The following PTPRQ variants were observed in gnomAD, a reference collection of about 807,000 sequenced individuals.
PTPRQ encodes the protein protein tyrosine phosphatase receptor type Q.
A neutral mutation model predicts 246.0 loss-of-function variants in PTPRQ; 199 were observed. The ratio of observed to expected loss-of-function variants is 0.81; its 90% confidence interval spans 0.72 to 0.91. PTPRQ has a LOEUF of 0.91. Among genes scored for constraint, PTPRQ ranks in the 40% least tolerant of loss-of-function variants. The pLI, the probability that PTPRQ is intolerant of heterozygous loss-of-function variation, is 0.00. For missense variants in PTPRQ, 2,624 were observed against 2,528.4 expected (o/e 1.04, Z -0.81); for synonymous variants, 869 against 853.2 (o/e 1.02, Z -0.32).
At chr12:80,630,336 T>A (rs1430003903) in intron 33 of PTPRQ, among the ~76,000 whole-genome samples, 4 of 152,178 alleles carry the variant, frequency 2.6e-5, no homozygotes, top group African/African-American at 7.2e-5. Context: ...TTTCTCTTGA[T>A]GTCCTTTAAT....
chr12:80,542,876 T>C lies in PTPRQ; in HGVS notation c.3868T>C (p.Tyr1290His). 1 of 1,483,888 alleles carries C rather than the reference T, an allele frequency of 6.7e-7. No homozygotes were observed. The highest frequency in any genetic ancestry group is 2.6e-5 in the East Asian group (1 of 39,160). 91.9% of individuals were successfully genotyped at this position (1,483,888 alleles called of 1,614,324 possible). A position where few individuals can be genotyped will look rare whatever the true frequency, so the allele number is the denominator to read the frequency against. ...TGAACATGAAACTGACACTATATAT[T>C]ATAAGGTAGGTTGATTATAACAGTA... is the stretch of plus-strand genomic sequence containing the variant. The part of the protein sequence containing the change: ...IHEHETDTIY[Y>H]KNISGFKTEA... Residue 1290 changes from tyrosine to histidine, a missense_variant, in exon 23 of 45, where the codon TAT (tyrosine) becomes CAT (histidine). Physicochemically the swap from Tyr to His is moderately conservative, Grantham distance 83 (BLOSUM62 2). Transcript: ENST00000644991.
chr12:80,668,930 T>G, intron 39 of PTPRQ, 77 bp from the exon 40 acceptor site: 3 of 1,408,064 alleles, frequency 2.1e-6, no homozygotes, highest in Non-Finnish European at 2.8e-6. Flanking sequence ...CCAGCATATG[T>G]TTCATGCATT....
At chr12:80,520,783 C>G (rs190946486) in intron 17 of PTPRQ, among the ~76,000 whole-genome samples, 7 of 152,152 alleles carry the variant, frequency 4.6e-5, no homozygotes, top group African/African-American at 1.7e-4. Flanking sequence ...GGGTTGGTTG[C>G]AAGTCTTTGT....
chr12:80,508,522 G>T (rs1895031577), intron 16 of PTPRQ, among the ~76,000 whole-genome samples: 1 of 151,940 alleles, frequency 6.6e-6, no homozygotes, highest in Non-Finnish European at 1.5e-5. Flanking sequence ...CCAGGTAGAG[G>T]AGTGAGAGAT....
rs1038545363 is a variant in PTPRQ, at chr12:80,462,082, C to G, written c.910+1180C>G. 9.0e-6 allele frequency: 6 copies of G among 665,970 alleles called. No homozygotes were observed. In the South Asian group the frequency reaches 9.7e-5, roughly 11 times the overall value. The allele number at this position is 665,970 out of a possible 1,614,324, so 41.3% of individuals were successfully genotyped here. The stretch of plus-strand genomic sequence containing the variant: ...GAGGCATTGCCTCACTTGGGGAGCA[C>G]AAGGGGTCAGGGAGTTCCCTTTCCT... On this transcript the variant is annotated intron_variant, in intron 6 of 44. Transcript: ENST00000644991.
intron 5 of PTPRQ, among the ~76,000 whole-genome samples, 192 bp downstream of exon 5, chr12:80,459,675 G>C (rs1452109508): frequency 6.6e-6 from 1 of 152,096 alleles, no homozygotes; most frequent in East Asian, 1.9e-4. Flanking sequence ...GCCTCATTCA[G>C]GTAGAATACA....
chr12:80,676,048 C>T (rs1426523185), intron 43 of PTPRQ, among the ~76,000 whole-genome samples: 1 of 152,134 alleles, frequency 6.6e-6, no homozygotes, highest in Non-Finnish European at 1.5e-5. Context: ...AAATCAGGTA[C>T]TCGGAAGCCC....
At chr12:80,614,646 C>T (rs1263238901) in intron 29 of PTPRQ, among the ~76,000 whole-genome samples, 1 of 150,644 alleles carries the variant, frequency 6.6e-6, no homozygotes, top group Non-Finnish European at 1.5e-5. Context: ...TTTTGCATGT[C>T]CCATTAAGTG....
Position 80,500,524 on chromosome 12 carries a change from T to C in PTPRQ, c.2272+3993T>C, listed in dbSNP as rs139366736. 2.6e-3 allele frequency among the ~76,000 whole-genome samples: 402 copies of C among 152,064 alleles called. 2 individuals are homozygous for C. Among genetic ancestry groups the C allele is most frequent in the African/African-American group, 9.5e-3 (394 of 41,514 alleles). ...GACAACTGCAGAGAGAAAACTTCAATCTAATGGGAAATTTTCAAAATCAGA... is the reference window on the plus strand; with the variant it reads ...GACAACTGCAGAGAGAAAACTTCAACCTAATGGGAAATTTTCAAAATCAGA... On this transcript the variant is annotated intron_variant, in intron 14 of 44. Coordinates refer to ENST00000644991, the MANE Select transcript of PTPRQ (RefSeq NM_001145026.2).
chr12:80,456,340 T>A (rs1892982160), intron 3 of PTPRQ, among the ~76,000 whole-genome samples: 1 of 152,166 alleles, frequency 6.6e-6, no homozygotes, highest in African/African-American at 2.4e-5. Context: ...CTTACCTATG[T>A]AGAAGTCAAA....
intron 26 of PTPRQ, among the ~76,000 whole-genome samples, chr12:80,592,897 A>C (rs529323980): frequency 6.6e-6 from 1 of 151,928 alleles, no homozygotes; most frequent in African/African-American, 2.4e-5. Context: ...TGTAATCCCA[A>C]CTCCTTGGGA....
intron 9 of PTPRQ, 31 bp downstream of exon 9, chr12:80,484,636 AC>A (rs1384354321): frequency 1.8e-5 from 28 of 1,544,248 alleles, no homozygotes; most frequent in Admixed American, 1.0e-4. Context: ...TTATTGGTGA[AC>A]CCTTTCTGCT....
Position 80,588,337 on chromosome 12 carries a change from A to G in PTPRQ, c.4494A>G (p.Glu1498=). ...IQYLYEAHLT[E]ETVYGLKKFR... ...ACCTCTATGAAGCTCACTTAACTGA[A>G]GAGACAGTATATGGATTAAAGAAAT... is the stretch of plus-strand genomic sequence containing the variant. The change falls in exon 26 of 45, where the codon GAA becomes GAG. Residue 1498 remains glutamate, a synonymous_variant. Transcript: ENST00000644991. The G allele has an allele frequency of 6.4e-7, 1 of 1,551,492 alleles. No individual in the cohort carries two copies. The highest frequency in any genetic ancestry group is 8.7e-7 in the Non-Finnish European group (1 of 1,146,882).
chr12:80,486,206 T>C lies in PTPRQ; in HGVS notation c.1359+1601T>C, dbSNP rs140584275. On this transcript the variant is annotated intron_variant, in intron 9 of 44. Transcript: ENST00000644991. ...AAAGAGCTTAGAACTGTACCTGGCATATAGTAAGTGCTGTGCTAAATAATT... is the reference window on the plus strand; with the variant it reads ...AAAGAGCTTAGAACTGTACCTGGCACATAGTAAGTGCTGTGCTAAATAATT... Among the ~76,000 whole-genome samples, 1,239 of 152,272 alleles carry C rather than the reference T, an allele frequency of 8.1e-3. 17 individuals are homozygous for C. Among genetic ancestry groups the C allele is most frequent in the African/African-American group, 0.028 (1,180 of 41,560 alleles).
At chr12:80,473,386 T>C (rs570881845) in intron 8 of PTPRQ, among the ~76,000 whole-genome samples, 6 of 152,310 alleles carry the variant, frequency 3.9e-5, no homozygotes, top group African/African-American at 1.4e-4. Flanking sequence ...CATCTCCACC[T>C]AAAAACTGCT....
chr12:80,478,562 A>G (rs1227150541), intron 8 of PTPRQ, among the ~76,000 whole-genome samples: 1 of 152,200 alleles, frequency 6.6e-6, no homozygotes, highest in East Asian at 1.9e-4. Context: ...GAAGCTTCAG[A>G]CGATCAAATT....
chr12:80,562,595 TG>T (rs1896859661), intron 25 of PTPRQ, among the ~76,000 whole-genome samples: 1 of 152,088 alleles, frequency 6.6e-6, no homozygotes, highest in African/African-American at 2.4e-5. Context: ...TGAATTGAAA[TG>T]AAAATTCAAC....
chr12:80,446,929 A>G (rs905704395), intron 3 of PTPRQ, among the ~76,000 whole-genome samples: 4 of 152,030 alleles, frequency 2.6e-5, no homozygotes, highest in Admixed American at 1.3e-4. Context: ...GGATAGATAC[A>G]TAGCAGTGAG....
At position 80,445,642 on chromosome 12, in the gene PTPRQ, A is replaced by C; in HGVS notation, c.315A>C (p.Thr105=). The change falls in exon 3 of 45, where the codon ACA becomes ACC. Residue 105 remains threonine (T), a synonymous_variant. Transcript: ENST00000644991. Reference sequence around the variant, plus strand: ...GTCCGTGGATGCAAACAGTATATACACAAGTCAGATCAAAGCCAGACAGTC... The same window carrying C: ...GTCCGTGGATGCAAACAGTATATACCCAAGTCAGATCAAAGCCAGACAGTC... ...EVCPWMQTVY[T]QVRSKPDSLE... is the part of the protein sequence containing the mutation. 3.9e-6 allele frequency: 6 copies of C among 1,550,246 alleles called. No homozygotes were observed. Among genetic ancestry groups the C allele is most frequent in the Non-Finnish European group, 3.5e-6 (4 of 1,145,936 alleles).
Sources: allele counts gnomAD v4.1 joint callset (sites outside exome capture counted in the v4.1 genomes callset), GRCh38; gene constraint gnomAD v4.1.1; transcripts MANE v1.5; gene names NCBI Gene and HGNC (gene_info 2026-07-23, HGNC 2026-07-21).